The following TUBGCP3 variants were observed in gnomAD, a reference collection of about 807,000 sequenced individuals.
TUBGCP3 encodes gamma-tubulin complex component 3.
A neutral mutation model predicts 123.1 loss-of-function variants in TUBGCP3; 50 were observed. The ratio of observed to expected loss-of-function variants is 0.41; its 90% CI spans 0.32 to 0.51. The LOEUF (loss-of-function observed/expected upper bound fraction) is 0.51, where lower values mean the gene tolerates loss of function less well. Among genes scored for constraint, TUBGCP3 ranks in the 20% least tolerant of loss-of-function variants. TUBGCP3 has a pLI of 0.36. For missense variants in TUBGCP3, 882 were observed against 1,127.0 expected (o/e 0.78, Z 3.11); for synonymous variants, 405 against 413.9 (o/e 0.98, Z 0.26).
Position 112,499,119 on chromosome 13 carries a change from T to C in TUBGCP3, c.2374A>G (p.Ile792Val), listed in dbSNP as rs1295467082. 2 of 1,614,174 alleles carry C rather than the reference T, an allele frequency of 1.2e-6. No homozygotes were observed. The highest frequency in any genetic ancestry group is 2.2e-5 in the East Asian group (1 of 44,884). The change falls in exon 20 of 22, where the codon ATA becomes GTA. Residue 792 changes from isoleucine to valine, a missense_variant. Around this residue, in one of 3 missense-constraint regions of TUBGCP3, gnomAD observed 160 missense variants for 220.3 expected, o/e 0.73. Coordinates refer to ENST00000261965, the MANE Select transcript of TUBGCP3 (RefSeq NM_006322.6). The part of the protein sequence containing the change: ...IIELQNAQDA[I>V]YRAALEELQR... Reference sequence around the variant, plus strand: ...AATTCTTCCAGAGCAGCTCTGTATATTGCATCTTGAGCATTCTGAAGTTCA... The same window carrying C: ...AATTCTTCCAGAGCAGCTCTGTATACTGCATCTTGAGCATTCTGAAGTTCA...
chr13:112,565,020 T>C, intron 3 of TUBGCP3, 91 bp downstream of exon 3: 1 of 1,158,594 alleles, frequency 8.6e-7, no homozygotes, highest in East Asian at 2.6e-5. Flanking sequence ...AAAAGTTTAA[T>C]ATGATACCAC....
rs1469395874 is a variant in TUBGCP3 at position 112,587,968 on chromosome 13, C to T, written c.13G>A (p.Asp5Asn). The part of the protein sequence containing the change: MATP[D>N]QKSPNVLLQN... ...AGCAGAACGTTCGGCGACTTCTGGT[C>T]CGGGGTCGCCATCCTCGCCCGGAGC... Residue 5 changes from aspartate to asparagine, a missense_variant, in exon 1 of 22, where the codon GAC (aspartate) becomes AAC (asparagine). Around this residue, in one of 3 missense-constraint regions of TUBGCP3, gnomAD observed 713 missense variants for 874.0 expected, o/e 0.82. Coordinates refer to ENST00000261965, the MANE Select transcript of TUBGCP3 (RefSeq NM_006322.6). 1.9e-6 allele frequency: 3 copies of T among 1,588,384 alleles called. No individual in the cohort carries two copies. The South Asian group carries it at 3.4e-5, about 18-fold the overall frequency.
chr13:112,544,344 C>A lies in TUBGCP3; in HGVS notation c.1335+1355G>T, dbSNP rs889807445. Among the ~76,000 whole-genome samples the A allele has an allele frequency of 4.0e-5, 6 of 150,044 alleles. No homozygotes were observed. The Admixed American group carries it at 4.0e-4, about 10-fold the overall frequency. On this transcript the variant is annotated intron_variant, in intron 11 of 21. Transcript: ENST00000261965. ...GCGGGCACCTGTAGTCCCAAGCTAC[C>A]TGGGAGGCTGAGGCAGGAGAATGGC... is the stretch of plus-strand genomic sequence containing the variant.
At chr13:112,531,856 T>G (rs765358850) in intron 11 of TUBGCP3, among the ~76,000 whole-genome samples, 1 of 152,214 alleles carries the variant, frequency 6.6e-6, no homozygotes, top group Non-Finnish European at 1.5e-5. Context: ...CGATACGCTT[T>G]TATTTTACTA....
At chr13:112,513,373 G>A (rs918857457) in intron 17 of TUBGCP3, among the ~76,000 whole-genome samples, 4 of 152,232 alleles carry the variant, frequency 2.6e-5, no homozygotes, top group Non-Finnish European at 4.4e-5. Context: ...CATCTTACAT[G>A]AGGAATGGGT....
rs373513578 is a variant in TUBGCP3, at chr13:112,547,601, G to A, written c.1168+19C>T. 2.7e-6 allele frequency: 4 copies of A among 1,481,738 alleles called. No homozygotes were observed. The South Asian group carries it at 4.1e-5, about 15-fold the overall frequency. The allele number at this position is 1,481,738 out of a possible 1,614,324, so 91.8% of individuals were successfully genotyped here. A position where few individuals can be genotyped will look rare whatever the true frequency, so the allele number is the denominator to read the frequency against. On this transcript the variant is annotated intron_variant, in intron 10 of 21. Transcript: ENST00000261965. ...GTCGCGCGTGGGAAAGACGTGCGTG[G>A]GAAAGACGCGCGTGGGACCTTGGCA... is the stretch of plus-strand genomic sequence containing the variant.
At chr13:112,570,128 G>A (rs979328160) in intron 1 of TUBGCP3, among the ~76,000 whole-genome samples, 6 of 152,054 alleles carry the variant, frequency 3.9e-5, no homozygotes, top group South Asian at 2.1e-4. Context: ...GACAACCACC[G>A]AGACCCGCCC....
intron 11 of TUBGCP3, among the ~76,000 whole-genome samples, chr13:112,533,583 TAACA>T (rs983468127): frequency 1.3e-5 from 2 of 151,922 alleles, no homozygotes; most frequent in African/African-American, 2.4e-5. Context: ...TAAATGTGAC[TAACA>T]AACCACAGCA....
At chr13:112,503,841 AGCACTACT>A (rs2139000150) in intron 19 of TUBGCP3, among the ~76,000 whole-genome samples, 183 bp downstream of exon 19, 1 of 152,306 alleles carries the variant, frequency 6.6e-6, no homozygotes, top group African/African-American at 2.4e-5. Context: ...TTCTTGTTTC[AGCACTACT>A]GCACTACTGT....
At chr13:112,494,261 C>T (rs889898109) in intron 20 of TUBGCP3, among the ~76,000 whole-genome samples, 2 of 152,188 alleles carry the variant, frequency 1.3e-5, no homozygotes, top group African/African-American at 4.8e-5. Flanking sequence ...AATGCTGGGT[C>T]AGAGTAGTCC....
chr13:112,526,141 T>C (rs1877047059), intron 13 of TUBGCP3, among the ~76,000 whole-genome samples: 1 of 126,326 alleles, frequency 7.9e-6, no homozygotes, highest in South Asian at 2.6e-4. Flanking sequence ...CACATCACCA[T>C]CATCATTACC....
chr13:112,565,147 T>C lies in TUBGCP3; in HGVS notation c.216A>G (p.Ala72=), dbSNP rs1880855944. ...GTTTTCTGTGGAGTTCTGAAAATAA[T>C]GCAGCATCTGCTTCTCTTCGTTGTC... is the stretch of plus-strand genomic sequence containing the variant. ...LIRQRREADA[A]LFSELHRKLH... The change falls in exon 3 of 22, where the codon GCA becomes GCG. Residue 72 remains alanine, a synonymous_variant. Coordinates refer to ENST00000261965, the MANE Select transcript of TUBGCP3 (RefSeq NM_006322.6). The C allele has an allele frequency of 1.2e-6, 2 of 1,613,652 alleles. No individual in the cohort carries two copies. Among genetic ancestry groups the C allele is most frequent in the Non-Finnish European group, 1.7e-6 (2 of 1,179,966 alleles).
intron 21 of TUBGCP3, among the ~76,000 whole-genome samples, chr13:112,487,041 C>A (rs1879716153): frequency 1.4e-5 from 2 of 146,232 alleles, no homozygotes; most frequent in Admixed American, 1.4e-4. Context: ...TCTGAGCAGG[C>A]AAACACTGTG....
At chr13:112,550,697 A>T (rs577604559) in intron 8 of TUBGCP3, among the ~76,000 whole-genome samples, 1 of 152,380 alleles carries the variant, frequency 6.6e-6, no homozygotes, top group South Asian at 2.1e-4. Flanking sequence ...TTTACAGAGA[A>T]AACGACATGG....
At position 112,531,705 on chromosome 13, in the gene TUBGCP3, T is replaced by C. The variant is rs529670835; in HGVS notation, c.1336-4221A>G. Among the ~76,000 whole-genome samples the C allele has an allele frequency of 1.5e-4, 23 of 152,264 alleles. 2 individuals carry two copies. The South Asian group carries it at 4.8e-3, about 32-fold the overall frequency. ...GAAGTTATGAAAGCACTGCTTCATC[T>C]AAGGGCAAAGGAGCATGCAATCACT... On this transcript the variant is annotated intron_variant, in intron 11 of 21. Transcript: ENST00000261965.
chr13:112,599,209 T>C, the TUBGCP3 span, among the ~76,000 whole-genome samples: 1 of 152,184 alleles, frequency 6.6e-6, no homozygotes, highest in South Asian at 2.1e-4. Flanking sequence ...ATCACCTGAC[T>C]TGGGGTGCTG....
chr13:112,495,771 T>C (rs540021838), intron 20 of TUBGCP3, among the ~76,000 whole-genome samples: 6 of 152,308 alleles, frequency 3.9e-5, no homozygotes, highest in African/African-American at 1.4e-4. Flanking sequence ...TATATTCAAT[T>C]CTGTTTTATA....
chr13:112,533,802 T>C (rs1877797884), intron 11 of TUBGCP3, among the ~76,000 whole-genome samples: 1 of 144,338 alleles, frequency 6.9e-6, no homozygotes, highest in South Asian at 2.3e-4. Context: ...AGAATTTCTT[T>C]TTTTTTTTTT....
intron 10 of TUBGCP3, 68 bp downstream of exon 10, chr13:112,547,552 C>T (rs775863656): frequency 1.6e-4 from 135 of 868,328 alleles, no homozygotes; most frequent in Non-Finnish European, 1.8e-4. Flanking sequence ...GAAAGTCGCG[C>T]GTGGGAAAGT....
Sources: gnomAD v4.1 joint callset for allele counts (sites outside exome capture counted in the v4.1 genomes callset) on GRCh38, gnomAD v4.1.1 for gene constraint, gnomAD v4.1.1 regional missense constraint, MANE v1.5 for transcripts, NCBI Gene and HGNC (gene_info 2026-07-23, HGNC 2026-07-21) for gene names.